GDAP1L1: variants seen among roughly 807,000 people sequenced by gnomAD.
GDAP1L1 encodes ganglioside induced differentiation associated protein 1 like 1, also known as ganglioside-induced differentiation-associated protein 1-like 1.
In GDAP1L1, 21 loss-of-function variants were observed where a neutral mutation model predicts 37.1. That is an observed-to-expected ratio of 0.57 (90% CI 0.40 to 0.81). The LOEUF (loss-of-function observed/expected upper bound fraction) is 0.81, where lower values mean the gene tolerates loss of function less well. GDAP1L1 is among the 40% of genes least tolerant of loss of function. The pLI, the probability that GDAP1L1 is intolerant of heterozygous loss-of-function variation, is 0.00. For synonymous variants in GDAP1L1, 193 were observed against 209.1 expected (o/e 0.92, Z 0.67); for missense variants, 362 against 491.6 (o/e 0.74, Z 2.49).
At chr20:44,253,718 A>C (rs1337699397) in intron 1 of GDAP1L1, among the ~76,000 whole-genome samples, 1 of 152,228 alleles carries the variant, frequency 6.6e-6, no homozygotes, top group Non-Finnish European at 1.5e-5. Context: ...CCCTTCCCTT[A>C]GGCTTGGCTT....
At chr20:44,252,699 T>C (rs2073468201) in intron 1 of GDAP1L1, among the ~76,000 whole-genome samples, 1 of 152,074 alleles carries the variant, frequency 6.6e-6, no homozygotes, top group African/African-American at 2.4e-5. Flanking sequence ...GGTGCATGCC[T>C]GTAGTCCCAG....
Position 44,247,486 on chromosome 20 carries a change from A to C in GDAP1L1, c.152A>C (p.His51Pro). 1 of 1,571,652 alleles carries C rather than the reference A, an allele frequency of 6.4e-7. No homozygotes were observed. The highest frequency in any genetic ancestry group is 8.6e-7 in the Non-Finnish European group (1 of 1,158,234). ...CCCAGGGAGAGCCTGGTTCTGTACCACTGGACCCAGTCCTTCAGCTCGCAG... is the reference window on the plus strand; with the variant it reads ...CCCAGGGAGAGCCTGGTTCTGTACCCCTGGACCCAGTCCTTCAGCTCGCAG... The part of the protein sequence containing the change: ...HWPRESLVLY[H>P]WTQSFSSQKV... The change falls in exon 1 of 6, where the codon CAC becomes CCC. Residue 51 changes from histidine (H) to proline (P), a missense_variant. This residue lies in a region of GDAP1L1 where 277 missense variants were observed against 337.1 expected (regional missense o/e 0.82). Coordinates refer to ENST00000342560, the MANE Select transcript of GDAP1L1 (RefSeq NM_024034.6).
upstream of GDAP1L1, chr20:44,247,145 A>T (rs1368203358): frequency 4.8e-5 from 30 of 623,418 alleles, no homozygotes; most frequent in East Asian, 7.1e-4. Context: ...GGCGCGGGCC[A>T]GGGGGAGGAG....
intron 3 of GDAP1L1, among the ~76,000 whole-genome samples, chr20:44,259,933 G>A (rs1280636738): frequency 6.6e-6 from 1 of 152,192 alleles, no homozygotes; most frequent in Middle Eastern, 3.2e-3. Flanking sequence ...TTCCATGGAA[G>A]GAAAGACAAG....
At chr20:44,254,352 C>T (rs1241061469) in intron 1 of GDAP1L1, among the ~76,000 whole-genome samples, 1 of 152,232 alleles carries the variant, frequency 6.6e-6, no homozygotes, top group Non-Finnish European at 1.5e-5. Context: ...TTTGCTCACT[C>T]ATACACACGC....
At chr20:44,260,133 G>T (rs1057426869) in intron 3 of GDAP1L1, among the ~76,000 whole-genome samples, 1 of 152,132 alleles carries the variant, frequency 6.6e-6, no homozygotes, top group Non-Finnish European at 1.5e-5. Context: ...CAAGAATATC[G>T]CTGGAAATTA....
At position 44,279,020 on chromosome 20, in the gene GDAP1L1, C is replaced by G. The variant is rs1458715134; in HGVS notation, c.824C>G (p.Ala275Gly). The G allele has an allele frequency of 1.9e-6, 3 of 1,613,952 alleles. No homozygotes were observed. The highest frequency in any genetic ancestry group is 2.7e-5 in the African/African-American group (2 of 74,916). The change falls in exon 6 of 6, where the codon GCC becomes GGC. Residue 275 changes from alanine (A) to glycine (G), a missense_variant. Transcript: ENST00000342560. ...AFTLADVLLG[A>G]TLHRLKFLGL... ...ACCCTCGCTGATGTCCTCCTGGGAG[C>G]CACCCTGCACCGCCTCAAGTTCCTG...
chr20:44,268,503 A>G (rs548361530), intron 5 of GDAP1L1, among the ~76,000 whole-genome samples: 1 of 152,336 alleles, frequency 6.6e-6, no homozygotes, highest in East Asian at 1.9e-4. Flanking sequence ...TCTTGGTTTC[A>G]TGGAGTTTGC....
At chr20:44,257,585 G>GT (rs1397162867) in intron 2 of GDAP1L1, among the ~76,000 whole-genome samples, 1 of 152,092 alleles carries the variant, frequency 6.6e-6, no homozygotes. Context: ...CCCTGGTACT[G>GT]TAAGGGCATG....
At chr20:44,264,031 A>T (rs1004396318) in intron 4 of GDAP1L1, among the ~76,000 whole-genome samples, 1 of 152,142 alleles carries the variant, frequency 6.6e-6, no homozygotes, top group African/African-American at 2.4e-5. Flanking sequence ...CACAAATGGC[A>T]CCACAAAGGT....
chr20:44,259,180 GGCCA>G (rs765568759), intron 3 of GDAP1L1, among the ~76,000 whole-genome samples: 7 of 152,142 alleles, frequency 4.6e-5, no homozygotes, highest in Non-Finnish European at 1.0e-4. Context: ...CTGTCCTAAT[GGCCA>G]GCCTGGACAT....
chr20:44,262,505 C>T (rs932667574), intron 3 of GDAP1L1, among the ~76,000 whole-genome samples: 21 of 151,794 alleles, frequency 1.4e-4, no homozygotes, highest in Non-Finnish European at 7.4e-5. Flanking sequence ...AGGGTTGGGT[C>T]TATCGGTTTC....
Position 44,247,422 on chromosome 20 carries a change from G to A in GDAP1L1, c.88G>A (p.Ala30Thr), listed in dbSNP as rs2073349987. The A allele has an allele frequency of 6.2e-7, 1 of 1,608,542 alleles. No individual in the cohort carries two copies. The highest frequency in any genetic ancestry group is 8.5e-7 in the Non-Finnish European group (1 of 1,178,480). Residue 30 changes from alanine (A) to threonine (T), a missense_variant, in exon 1 of 6, where the codon GCC becomes ACC. Transcript: ENST00000342560. ...GAGCGATGCGGCCAAGCCAGCGGAG[G>A]CCCCCGACGCTCCCGAGGCGGCCAG... ...LESDAAKPAE[A>T]PDAPEAASPA...
chr20:44,260,055 A>G (rs1160678408), intron 3 of GDAP1L1, among the ~76,000 whole-genome samples: 1 of 152,228 alleles, frequency 6.6e-6, no homozygotes, highest in Non-Finnish European at 1.5e-5. Context: ...ATTACCCTGC[A>G]GTTACACTTG....
intron 5 of GDAP1L1, among the ~76,000 whole-genome samples, chr20:44,273,039 C>T (rs1389681005): frequency 6.6e-6 from 1 of 152,136 alleles, no homozygotes; most frequent in Non-Finnish European, 1.5e-5. Context: ...CGTGGAGATA[C>T]CTGCTGTGTC....
chr20:44,248,510 G>T (rs999089620), intron 1 of GDAP1L1, among the ~76,000 whole-genome samples: 5 of 152,260 alleles, frequency 3.3e-5, no homozygotes, highest in Admixed American at 6.5e-5. Context: ...GGAACTCAAA[G>T]ACTTAGATTT....
intron 1 of GDAP1L1, among the ~76,000 whole-genome samples, chr20:44,248,341 G>A (rs1434779933): frequency 6.6e-6 from 1 of 152,226 alleles, no homozygotes; most frequent in African/African-American, 2.4e-5. Context: ...TCTGGGCCAC[G>A]GATTCAGCAC....
Position 44,272,174 on chromosome 20 carries a change from G to A in GDAP1L1, c.761-6783G>A, listed in dbSNP as rs73107778. ...TGCAGAACAACATGGAGAAGGGGGAGGAGCACCTAGAAAGGCAACCTGAAG... is the reference window on the plus strand; with the variant it reads ...TGCAGAACAACATGGAGAAGGGGGAAGAGCACCTAGAAAGGCAACCTGAAG... On this transcript the variant is annotated intron_variant, in intron 5 of 5. Coordinates refer to ENST00000342560, the MANE Select transcript of GDAP1L1 (RefSeq NM_024034.6). Among the ~76,000 whole-genome samples the A allele has an allele frequency of 2.4e-3, 369 of 152,336 alleles. 1 individual carries two copies. The highest frequency in any genetic ancestry group is 0.02 in the Middle Eastern group (6 of 294).
At chr20:44,264,220 ATC>A (rs1263264575) in intron 4 of GDAP1L1, among the ~76,000 whole-genome samples, 1 of 152,036 alleles carries the variant, frequency 6.6e-6, no homozygotes, top group Non-Finnish European at 1.5e-5. Context: ...CCCTCCCAGC[ATC>A]TGGGTGTAAG....
Sources: gnomAD v4.1 joint callset for allele counts (sites outside exome capture counted in the v4.1 genomes callset) on GRCh38, gnomAD v4.1.1 for gene constraint, gnomAD v4.1.1 regional missense constraint, MANE v1.5 for transcripts, NCBI Gene and HGNC (gene_info 2026-07-23, HGNC 2026-07-21) for gene names.